MAP1B: variants seen among roughly 807,000 people sequenced by gnomAD.
The protein encoded by MAP1B is microtubule associated protein 1B.
Under a neutral mutation model 176.1 loss-of-function variants are expected in MAP1B, and 12 were observed. That is an observed-to-expected ratio of 0.07 (90% CI 0.04 to 0.11). The LOEUF (loss-of-function observed/expected upper bound fraction) is 0.11, where lower values mean the gene tolerates loss of function less well. Ranked by LOEUF, MAP1B falls within the 10% of genes least tolerant of loss-of-function variation. MAP1B has a pLI of 1.00. For synonymous variants in MAP1B, 1,044 were observed against 1,135.0 expected (o/e 0.92, Z 1.61); for missense variants, 2,523 against 2,990.5 (o/e 0.84, Z 3.65).
At chr5:72,113,352 A>T (rs1040601257) in intron 1 of MAP1B, among the ~76,000 whole-genome samples, 13 of 152,208 alleles carry the variant, frequency 8.5e-5, no homozygotes, top group Non-Finnish European at 8.8e-5. Flanking sequence ...TTTTAGTTTC[A>T]TTGGGAGTGT....
chr5:72,144,821 AG>A (rs1443526184), intron 2 of MAP1B, among the ~76,000 whole-genome samples: 6 of 152,096 alleles, frequency 3.9e-5, no homozygotes, highest in Non-Finnish European at 8.8e-5. Context: ...AATGCTTCTG[AG>A]AGGTAGTCTA....
In MAP1B at chr5:72,196,905, A is replaced by G; in HGVS notation, c.3550A>G (p.Asn1184Asp). The G allele has an allele frequency of 6.2e-7, 1 of 1,614,242 alleles. No individual in the cohort carries two copies. The highest frequency in any genetic ancestry group is 1.1e-5 in the South Asian group (1 of 91,086). ...TAAACCTGCTGATGTTACACCGCTCAACGGATTTTCTGAAGGATCAAAAAC... is the reference window on the plus strand; with the variant it reads ...TAAACCTGCTGATGTTACACCGCTCGACGGATTTTCTGAAGGATCAAAAAC... The part of the protein sequence containing the change: ...YSKPADVTPL[N>D]GFSEGSKTDA... The change falls in exon 5 of 7, where the codon AAC (asparagine) becomes GAC (aspartate). Residue 1184 changes from asparagine to aspartate, a missense_variant. Physicochemically the swap from Asn to Asp is conservative, Grantham distance 23 (BLOSUM62 1). Coordinates refer to ENST00000296755, the MANE Select transcript of MAP1B (RefSeq NM_005909.5). This position sits in a 1 kb window ranked among gnomAD's most constrained non-coding sequence, Gnocchi z 5.3.
rs1747166303 is a variant in MAP1B, at chr5:72,196,310, C to T, written c.2955C>T (p.Tyr985=). The part of the protein sequence containing the change: ...EESAKAEADA[Y]IREKRESVAS... ...GTGCCAAGGCGGAGGCTGATGCATA[C>T]ATCAGGGAGAAGAGGGAGTCTGTGG... Residue 985 remains tyrosine, a synonymous_variant, in exon 5 of 7, where the codon TAC becomes TAT. Transcript: ENST00000296755. The surrounding 1 kb of genome is among the most constrained non-coding windows in gnomAD (Gnocchi z 5.3). The T allele has an allele frequency of 6.2e-7, 1 of 1,614,018 alleles. No individual in the cohort carries two copies. Among genetic ancestry groups the T allele is most frequent in the South Asian group, 1.1e-5 (1 of 91,058 alleles).
chr5:72,196,575 G>C lies in MAP1B; in HGVS notation c.3220G>C (p.Ala1074Pro). ...CACCACACCAACCAAGCAACTAGGAGCCCAGTCTCCTGGCCGAGAACCTGC... is the reference window on the plus strand; with the variant it reads ...CACCACACCAACCAAGCAACTAGGACCCCAGTCTCCTGGCCGAGAACCTGC... ...FLTTPTKQLG[A>P]QSPGREPASS... Residue 1074 changes from alanine (A) to proline (P), a missense_variant, in exon 5 of 7, where the codon GCC (alanine) becomes CCC (proline). Coordinates refer to ENST00000296755, the MANE Select transcript of MAP1B (RefSeq NM_005909.5). The surrounding 1 kb of genome is among the most constrained non-coding windows in gnomAD (Gnocchi z 5.3). The C allele has an allele frequency of 1.2e-6, 2 of 1,613,772 alleles. No individual in the cohort carries two copies. The highest frequency in any genetic ancestry group is 4.5e-5 in the East Asian group (2 of 44,882).
Position 72,196,976 on chromosome 5 carries a change from A to C in MAP1B, c.3621A>C (p.Ile1207=). 4 of 1,614,228 alleles carry C rather than the reference A, an allele frequency of 2.5e-6. No individual in the cohort carries two copies. Among genetic ancestry groups the C allele is most frequent in the Non-Finnish European group, 3.4e-6 (4 of 1,180,042 alleles). The change falls in exon 5 of 7, where the codon ATA becomes ATC. Residue 1207 remains isoleucine (I), a synonymous_variant. Transcript: ENST00000296755. The surrounding 1 kb of genome is among the most constrained non-coding windows in gnomAD (Gnocchi z 5.3). ...GKDYNASAST[I]SPPSSMEEDK... ...ATTACAATGCTTCAGCCTCTACCATATCACCACCCTCTTCCATGGAGGAAG... is the reference window on the plus strand; with the variant it reads ...ATTACAATGCTTCAGCCTCTACCATCTCACCACCCTCTTCCATGGAGGAAG...
In MAP1B at chr5:72,197,379, G is replaced by A. The variant is rs991192198; in HGVS notation, c.4024G>A (p.Asp1342Asn). The change falls in exon 5 of 7, where the codon GAC (aspartate) becomes AAC (asparagine). Residue 1342 changes from aspartate to asparagine, a missense_variant. Asp to Asn is a conservative substitution (Grantham distance 23). Around this residue, in one of 4 missense-constraint regions of MAP1B, gnomAD observed 1,925 missense variants for 2,126.0 expected, o/e 0.91. Transcript: ENST00000296755. Reference sequence around the variant, plus strand: ...CACACCTTACTATCAATCTCCTACTGACGAGAAATCCAGTCATCTCCCTAC... The same window carrying A: ...CACACCTTACTATCAATCTCCTACTAACGAGAAATCCAGTCATCTCCCTAC... The part of the protein sequence containing the change: ...GHTPYYQSPT[D>N]EKSSHLPTEV... The A allele has an allele frequency of 1.2e-6, 2 of 1,614,178 alleles. No homozygotes were observed. Among genetic ancestry groups the A allele is most frequent in the African/African-American group, 2.7e-5 (2 of 75,046 alleles).
intron 2 of MAP1B, among the ~76,000 whole-genome samples, chr5:72,170,385 G>A (rs1746513106): frequency 6.6e-6 from 1 of 152,162 alleles, no homozygotes. Flanking sequence ...TTCCAAGAGA[G>A]TACTCAATAG....
intron 2 of MAP1B, among the ~76,000 whole-genome samples, chr5:72,181,075 T>C (rs1746753818): frequency 6.6e-6 from 1 of 152,212 alleles, no homozygotes; most frequent in South Asian, 2.1e-4. Context: ...ATAGTAGCTA[T>C]GTCACAGAAC....
In MAP1B at chr5:72,198,287, A is replaced by C; in HGVS notation, c.4932A>C (p.Ser1644=). 1 of 1,614,202 alleles carries C rather than the reference A, an allele frequency of 6.2e-7. No homozygotes were observed. Among genetic ancestry groups the C allele is most frequent in the South Asian group, 1.1e-5 (1 of 91,084 alleles). ...PVQDHRSEQS[S]MSIEFGQESP... ...AAGATCACAGATCTGAACAGTCCTC[A>C]ATGTCTATTGAATTTGGCCAAGAAT... The change falls in exon 5 of 7, where the codon TCA becomes TCC. Residue 1644 remains serine, a synonymous_variant. Coordinates refer to ENST00000296755, the MANE Select transcript of MAP1B (RefSeq NM_005909.5).
chr5:72,186,994 T>C lies in MAP1B; in HGVS notation c.510+240T>C, dbSNP rs994018109. ...GTGCCTGAGATATAGATGGGAGGGG[T>C]TGGAACAGTCAACACTTTACAGATG... On this transcript the variant is annotated intron_variant, in intron 4 of 6. Coordinates refer to ENST00000296755, the MANE Select transcript of MAP1B (RefSeq NM_005909.5). The surrounding 1 kb of genome is among the most constrained non-coding windows in gnomAD (Gnocchi z 4.3). Among the ~76,000 whole-genome samples, 1 of 152,116 alleles carries C rather than the reference T, an allele frequency of 6.6e-6. No homozygotes were observed. The highest frequency in any genetic ancestry group is 1.5e-5 in the Non-Finnish European group (1 of 68,030).
Position 72,197,241 on chromosome 5 carries a change from C to G in MAP1B, c.3886C>G (p.Pro1296Ala), listed in dbSNP as rs780291891. ...IKVSAEAEVA[P>A]VSPEVTQEVV... ...AGTCTCTGCAGAGGCAGAAGTAGCC[C>G]CGGTGTCTCCTGAGGTGACCCAAGA... Residue 1296 changes from proline to alanine, a missense_variant, in exon 5 of 7, where the codon CCG becomes GCG. Transcript: ENST00000296755. 3 of 1,614,202 alleles carry G rather than the reference C, an allele frequency of 1.9e-6. No individual in the cohort carries two copies. The East Asian group carries it at 6.7e-5, about 36-fold the overall frequency.
At chr5:72,137,368 T>C (rs1745856994) in intron 2 of MAP1B, among the ~76,000 whole-genome samples, 1 of 152,202 alleles carries the variant, frequency 6.6e-6, no homozygotes, top group East Asian at 1.9e-4. Flanking sequence ...AATAAATATG[T>C]TCCATGACTA....
chr5:72,122,930 A>G (rs1403898816), intron 2 of MAP1B, among the ~76,000 whole-genome samples: 1 of 152,124 alleles, frequency 6.6e-6, no homozygotes, highest in East Asian at 1.9e-4. Flanking sequence ...AGAGCTCATG[A>G]TTTTTGTTAG....
intron 3 of MAP1B, 56 bp downstream of exon 3, chr5:72,183,881 C>G (rs2112213190): frequency 6.7e-7 from 1 of 1,482,874 alleles, no homozygotes; most frequent in East Asian, 2.3e-5. Context: ...GGATAGGGAC[C>G]CAGTGGATTA....
At position 72,204,832 on chromosome 5, in the gene MAP1B, C is replaced by T. The variant is rs1747411825; in HGVS notation, c.7252-252C>T. Among the ~76,000 whole-genome samples the T allele has an allele frequency of 6.6e-6, 1 of 152,202 alleles. No individual in the cohort carries two copies. Among genetic ancestry groups the T allele is most frequent in the Admixed American group, 6.5e-5 (1 of 15,280 alleles). On this transcript the variant is annotated intron_variant, in intron 6 of 6. Transcript: ENST00000296755. This position sits in a 1 kb window ranked among gnomAD's most constrained non-coding sequence, Gnocchi z 4.4. Reference sequence around the variant, plus strand: ...AAGCACTTCTCTTAACAGTAAAGAACTGAGAAACTGATTAATTGCTTTTTG... The same window carrying T: ...AAGCACTTCTCTTAACAGTAAAGAATTGAGAAACTGATTAATTGCTTTTTG...
intron 2 of MAP1B, among the ~76,000 whole-genome samples, chr5:72,150,300 T>G (rs1746118433): frequency 6.6e-6 from 1 of 152,240 alleles, no homozygotes; most frequent in African/African-American, 2.4e-5. Flanking sequence ...ATTTGCATTC[T>G]TGTCTCTCAT....
At chr5:72,150,782 T>C (rs186364323) in intron 2 of MAP1B, among the ~76,000 whole-genome samples, 1 of 152,312 alleles carries the variant, frequency 6.6e-6, no homozygotes, top group East Asian at 1.9e-4. Flanking sequence ...ATTAGTTTGC[T>C]AAGGATAATG....
chr5:72,165,868 G>C (rs1746418273), intron 2 of MAP1B, among the ~76,000 whole-genome samples: 1 of 152,160 alleles, frequency 6.6e-6, no homozygotes, highest in Non-Finnish European at 1.5e-5. Context: ...TATGTGCTGT[G>C]ACAGAGCAAG....
chr5:72,140,747 C>G (rs1745932841), intron 2 of MAP1B, among the ~76,000 whole-genome samples: 1 of 152,140 alleles, frequency 6.6e-6, no homozygotes, highest in Admixed American at 6.5e-5. Context: ...CGAAGCAATC[C>G]TATTACACCT....
Sources: allele counts gnomAD v4.1 joint callset (sites outside exome capture counted in the v4.1 genomes callset), GRCh38; gene constraint gnomAD v4.1.1; regional missense constraint gnomAD v4.1.1; non-coding constraint Gnocchi (gnomAD v3.1); transcripts MANE v1.5; gene names NCBI Gene and HGNC (gene_info 2026-07-23, HGNC 2026-07-21).